NFIB: variants seen among roughly 807,000 people sequenced by gnomAD.
NFIB encodes nuclear factor I B, also known as nuclear factor 1 B-type.
In NFIB, 11 loss-of-function variants were observed where a neutral mutation model predicts 61.5. The ratio of observed to expected loss-of-function variants is 0.18; its 90% CI spans 0.11 to 0.30. NFIB has a LOEUF of 0.30. Among genes scored for constraint, NFIB ranks in the 10% least tolerant of loss-of-function variants. The pLI is 1.00. For synonymous variants in NFIB, 260 were observed against 216.5 expected (o/e 1.20, Z -1.76); for missense variants, 471 against 608.9 (o/e 0.77, Z 2.38).
chr9:14,223,724 C>T (rs2131854770), intron 2 of NFIB, among the ~76,000 whole-genome samples: 1 of 152,262 alleles, frequency 6.6e-6, no homozygotes, highest in East Asian at 1.9e-4. Flanking sequence ...CAAGGAAATG[C>T]AAACGCAGAA....
At chr9:14,230,032 C>T (rs2052926201) in intron 2 of NFIB, among the ~76,000 whole-genome samples, 1 of 152,092 alleles carries the variant, frequency 6.6e-6, no homozygotes, top group Non-Finnish European at 1.5e-5. Context: ...TTTGAACTCC[C>T]GACCTCAGGT....
At chr9:14,167,080 TGTC>T (rs1460675091) in intron 3 of NFIB, among the ~76,000 whole-genome samples, 1 of 46,150 alleles carries the variant, frequency 2.2e-5, no homozygotes, top group Non-Finnish European at 4.4e-5. Context: ...TGTGTGTGTG[TGTC>T]GGGGGGGGGG....
intron 2 of NFIB, among the ~76,000 whole-genome samples, chr9:14,257,663 G>A (rs1563950750): frequency 6.6e-6 from 1 of 152,132 alleles, no homozygotes; most frequent in Non-Finnish European, 1.5e-5. Flanking sequence ...GGCTGAGGCA[G>A]GAGAATCGCT....
chr9:14,523,683 A>AT, the NFIB span, among the ~76,000 whole-genome samples: 1 of 152,110 alleles, frequency 6.6e-6, no homozygotes, highest in African/African-American at 2.4e-5. Context: ...CCCCAAATAC[A>AT]TTAACCTTTT....
the NFIB span, among the ~76,000 whole-genome samples, chr9:14,412,671 T>A: frequency 6.6e-6 from 1 of 152,008 alleles, no homozygotes; most frequent in East Asian, 1.9e-4. Flanking sequence ...CCAGATCAAC[T>A]CTCAGGGAGA....
chr9:14,444,318 G>A, the NFIB span, among the ~76,000 whole-genome samples: 26 of 151,444 alleles, frequency 1.7e-4, no homozygotes, highest in Admixed American at 4.6e-4. Flanking sequence ...AGAGTATTCA[G>A]AAATTCAACA....
chr9:14,125,315 G>A (rs543891049), intron 7 of NFIB, among the ~76,000 whole-genome samples: 1 of 151,986 alleles, frequency 6.6e-6, no homozygotes, highest in Non-Finnish European at 1.5e-5. Flanking sequence ...ATGCCACCAT[G>A]CCAGGCTAAT....
rs563566877 is a variant in NFIB at position 14,204,959 on chromosome 9, G to A, written c.563-25179C>T. On this transcript the variant is annotated intron_variant, in intron 2 of 10. Coordinates refer to ENST00000380953, the MANE Select transcript of NFIB (RefSeq NM_001190737.2). Reference sequence around the variant, plus strand: ...CAATGAGATCCGTCATCACTGGGGAGGCAATGTCCTGGGTCCCAAGCCTGT... The same window carrying A: ...CAATGAGATCCGTCATCACTGGGGAAGCAATGTCCTGGGTCCCAAGCCTGT... 127 of 329,974 alleles carry A rather than the reference G, an allele frequency of 3.8e-4. 1 individual carries two copies. The Middle Eastern group carries it at 9.3e-3, about 24-fold the overall frequency. The allele number at this position is 329,974 out of a possible 1,614,324, so 20.4% of individuals were successfully genotyped here.
chr9:14,094,887 A>G (rs1485681672), intron 10 of NFIB, among the ~76,000 whole-genome samples: 2 of 152,132 alleles, frequency 1.3e-5, no homozygotes, highest in Non-Finnish European at 2.9e-5. Context: ...CAATTGATTC[A>G]GAAGTTTTTT....
chr9:14,119,823 G>A (rs558422376), intron 8 of NFIB, among the ~76,000 whole-genome samples: 2 of 152,246 alleles, frequency 1.3e-5, no homozygotes, highest in South Asian at 4.1e-4. Context: ...CATATGTCTA[G>A]GGGAGTGAGA....
At chr9:14,352,981 G>A (rs2061131975) in intron 1 of NFIB, among the ~76,000 whole-genome samples, 1 of 152,186 alleles carries the variant, frequency 6.6e-6, no homozygotes. Flanking sequence ...TGAATCTTTG[G>A]AATCAGGAGA....
At chr9:14,372,109 C>CT (rs1309959236) in intron 1 of NFIB, among the ~76,000 whole-genome samples, 2 of 151,592 alleles carry the variant, frequency 1.3e-5, no homozygotes, top group Non-Finnish European at 2.9e-5. Context: ...CCTGCCAAAA[C>CT]TGTTTTTTTT....
intron 2 of NFIB, among the ~76,000 whole-genome samples, chr9:14,222,949 T>C (rs536748497): frequency 6.6e-6 from 1 of 152,260 alleles, no homozygotes; most frequent in Admixed American, 6.5e-5. Context: ...TTCTATCTAG[T>C]GGCTTATGCA....
exon 1 of NFIB, chr9:14,398,937 G>GTCAT: frequency 6.8e-6 from 2 of 295,276 alleles, no homozygotes; most frequent in Non-Finnish European, 1.3e-5. Flanking sequence ...ATTCTATGAA[G>GTCAT]TCATTCAGTG....
At chr9:14,238,104 G>C (rs943442993) in intron 2 of NFIB, among the ~76,000 whole-genome samples, 4 of 151,908 alleles carry the variant, frequency 2.6e-5, no homozygotes, top group Admixed American at 6.6e-5. Context: ...GAGATTTTGG[G>C]GGCACATGTA....
At chr9:14,412,117 C>G in the NFIB span, among the ~76,000 whole-genome samples, 2 of 152,188 alleles carry the variant, frequency 1.3e-5, no homozygotes, top group Non-Finnish European at 2.9e-5. Flanking sequence ...GACTCTTGAC[C>G]TTTAGAATCT....
Position 14,374,723 on chromosome 9 carries a change from A to C in NFIB, c.108+23801T>G, listed in dbSNP as rs970814495. 2.0e-5 allele frequency among the ~76,000 whole-genome samples: 3 copies of C among 152,180 alleles called. No individual in the cohort carries two copies. The South Asian group carries it at 6.2e-4, about 32-fold the overall frequency. On this transcript the variant is annotated intron_variant, in intron 1 of 8. Coordinates refer to the NFIB transcript ENST00000380934. ...TCGGGAGTTCGAGACCAGCCTGGCC[A>C]ACATGGTGAAACCCTGTCTCTACTA...
chr9:14,301,784 T>C (rs1212508727), intron 2 of NFIB, among the ~76,000 whole-genome samples: 1 of 152,180 alleles, frequency 6.6e-6, no homozygotes, highest in African/African-American at 2.4e-5. Flanking sequence ...GGTGGGAGAC[T>C]GTGTTTTCTT....
At chr9:14,503,852 T>C in the NFIB span, among the ~76,000 whole-genome samples, 5 of 152,354 alleles carry the variant, frequency 3.3e-5, no homozygotes, top group Non-Finnish European at 7.4e-5. Context: ...TATCTTTGTT[T>C]TTGTTGCATT....
Sources: allele counts gnomAD v4.1 joint callset (sites outside exome capture counted in the v4.1 genomes callset), GRCh38; gene constraint gnomAD v4.1.1; transcripts MANE v1.5; gene names NCBI Gene and HGNC (gene_info 2026-07-23, HGNC 2026-07-21).